The following LUC7L2 variants were observed in gnomAD, a reference collection of about 807,000 sequenced individuals.
LUC7L2 encodes the protein LUC7 like 2, pre-mRNA splicing factor, also known as putative RNA-binding protein Luc7-like 2.
In LUC7L2, 25 loss-of-function variants were observed where a neutral mutation model predicts 52.8. The ratio of observed to expected loss-of-function variants is 0.47; its 90% CI spans 0.34 to 0.66. The LOEUF (loss-of-function observed/expected upper bound fraction) is 0.66, where lower values mean the gene tolerates loss of function less well. Among genes scored for constraint, LUC7L2 ranks in the 30% least tolerant of loss-of-function variants. The pLI, the probability that LUC7L2 is intolerant of heterozygous loss-of-function variation, is 0.01. For synonymous variants in LUC7L2, 144 were observed against 160.9 expected (o/e 0.89, Z 0.80); for missense variants, 328 against 497.8 (o/e 0.66, Z 3.25).
chr7:139,376,001 C>T, intron 1 of LUC7L2, 61 bp from the exon 2 acceptor site: 1 of 1,559,432 alleles, frequency 6.4e-7, no homozygotes, highest in Non-Finnish European at 8.8e-7. Context: ...AATAGTAGGG[C>T]TCTCAGAAAA....
intron 7 of LUC7L2, among the ~76,000 whole-genome samples, chr7:139,410,478 A>T (rs1190205721): frequency 6.6e-6 from 1 of 152,140 alleles, no homozygotes; most frequent in African/African-American, 2.4e-5. Context: ...TAATTGATAA[A>T]ATCTTAGAAT....
At chr7:139,346,975 T>C (rs1301155234) in intron 1 of LUC7L2, among the ~76,000 whole-genome samples, 1 of 152,248 alleles carries the variant, frequency 6.6e-6, no homozygotes, top group Non-Finnish European at 1.5e-5. Context: ...GCCTCTGTCC[T>C]AGTTCAAGCA....
At chr7:139,384,751 A>AT (rs1321792921) in intron 2 of LUC7L2, among the ~76,000 whole-genome samples, 1 of 151,240 alleles carries the variant, frequency 6.6e-6, no homozygotes, top group Admixed American at 6.6e-5. Context: ...CTGAATAATA[A>AT]TTTTTTTTAA....
intron 2 of LUC7L2, among the ~76,000 whole-genome samples, chr7:139,385,255 T>G (rs1219695759): frequency 6.6e-6 from 1 of 151,372 alleles, no homozygotes; most frequent in African/African-American, 2.4e-5. Flanking sequence ...ATATTCCCCC[T>G]GCAGCTTTTT....
At chr7:139,341,613 T>A in intron 1 of LUC7L2, 1 of 1,527,648 alleles carries the variant, frequency 6.5e-7, no homozygotes, top group East Asian at 2.3e-5. Context: ...GTTTAATTCC[T>A]GCATTTCTGA....
chr7:139,413,983 A>G (rs1367483808), intron 8 of LUC7L2, among the ~76,000 whole-genome samples: 8 of 152,216 alleles, frequency 5.3e-5, no homozygotes, highest in Non-Finnish European at 1.2e-4. Flanking sequence ...TGATTAATAT[A>G]AGCTGGTCCC....
chr7:139,397,865 C>T (rs1794727609), intron 2 of LUC7L2, among the ~76,000 whole-genome samples: 1 of 152,134 alleles, frequency 6.6e-6, no homozygotes, highest in South Asian at 2.1e-4. Flanking sequence ...TTCCCTGATA[C>T]ATGCTTATTA....
At chr7:139,380,281 C>T (rs1212260450) in intron 2 of LUC7L2, among the ~76,000 whole-genome samples, 2 of 152,000 alleles carry the variant, frequency 1.3e-5, no homozygotes, top group African/African-American at 4.8e-5. Context: ...TTTTCTTTAT[C>T]TCAGAAAGTT....
At chr7:139,374,076 T>C (rs1387257572) in intron 1 of LUC7L2, among the ~76,000 whole-genome samples, 1 of 152,180 alleles carries the variant, frequency 6.6e-6, no homozygotes, top group Non-Finnish European at 1.5e-5. Flanking sequence ...CATAGCACCA[T>C]TCTAACATGA....
chr7:139,351,946 GCA>G (rs1273994767), intron 1 of LUC7L2, among the ~76,000 whole-genome samples: 1 of 152,154 alleles, frequency 6.6e-6, no homozygotes, highest in African/African-American at 2.4e-5. Flanking sequence ...TGTAATCCCA[GCA>G]CAGTGGGAGG....
intron 1 of LUC7L2, among the ~76,000 whole-genome samples, chr7:139,346,525 C>T (rs1291162682): frequency 6.6e-6 from 1 of 152,194 alleles, no homozygotes; most frequent in African/African-American, 2.4e-5. Context: ...TAAAGGGATA[C>T]ATAAAGATGT....
At chr7:139,386,404 A>ATTGT (rs1554392474) in intron 2 of LUC7L2, among the ~76,000 whole-genome samples, 14 of 131,512 alleles carry the variant, frequency 1.1e-4, no homozygotes, top group African/African-American at 4.4e-4. Context: ...GTCACTGGAA[A>ATTGT]TTTTTTTTTT....
At chr7:139,363,633 C>T (rs756536524) in intron 1 of LUC7L2, among the ~76,000 whole-genome samples, 18 of 152,038 alleles carry the variant, frequency 1.2e-4, no homozygotes, top group South Asian at 2.1e-4. Context: ...TGATTCATTA[C>T]GTTTTATAAA....
chr7:139,412,117 A>T (rs984436337), intron 7 of LUC7L2, among the ~76,000 whole-genome samples: 4 of 152,006 alleles, frequency 2.6e-5, no homozygotes, highest in Admixed American at 6.6e-5. Context: ...TTTGAAAAAA[A>T]TCGGCCACCT....
At chr7:139,407,511 G>A (rs1007242799) in intron 6 of LUC7L2, among the ~76,000 whole-genome samples, 161 bp downstream of exon 6, 2 of 152,104 alleles carry the variant, frequency 1.3e-5, no homozygotes, top group African/African-American at 2.4e-5. Flanking sequence ...TGGTTTAATG[G>A]ATGCTGCCTG....
intron 8 of LUC7L2, among the ~76,000 whole-genome samples, chr7:139,414,134 C>G (rs1394338916): frequency 6.6e-6 from 1 of 152,124 alleles, no homozygotes; most frequent in South Asian, 2.1e-4. Context: ...TGCTTGCCCA[C>G]CCCCCTTCTT....
intron 1 of LUC7L2, among the ~76,000 whole-genome samples, chr7:139,369,978 G>A (rs1800358883): frequency 1.3e-5 from 2 of 152,308 alleles, no homozygotes; most frequent in South Asian, 4.1e-4. Flanking sequence ...TGTCACATTT[G>A]GAAGGCAGAC....
chr7:139,422,797 C>T lies in LUC7L2; in HGVS notation c.*457C>T. ...AGGGGGCAGGGAAGCAATATAGCTT[C>T]CATTCTAAGGCTGTATTCCCGTTAT... On this transcript the variant is annotated 3_prime_UTR_variant, in exon 10 of 10. Transcript: ENST00000354926. 2 of 399,676 alleles carry T rather than the reference C, an allele frequency of 5.0e-6. No homozygotes were observed. The highest frequency in any genetic ancestry group is 8.8e-6 in the Non-Finnish European group (2 of 226,552). 24.8% of individuals were successfully genotyped at this position (399,676 alleles called of 1,614,324 possible).
chr7:139,342,256 C>T (rs577493460), intron 1 of LUC7L2, among the ~76,000 whole-genome samples: 5 of 152,078 alleles, frequency 3.3e-5, no homozygotes, highest in Non-Finnish European at 7.3e-5. Flanking sequence ...TAAATAAGTG[C>T]TCAAGGTGTA....
Sources: gnomAD v4.1 joint callset for allele counts (sites outside exome capture counted in the v4.1 genomes callset) on GRCh38, gnomAD v4.1.1 for gene constraint, MANE v1.5 for transcripts, NCBI Gene and HGNC (gene_info 2026-07-23, HGNC 2026-07-21) for gene names.